The following FREM1 variants were observed in gnomAD, a reference collection of about 807,000 sequenced individuals.
FREM1 encodes the protein FRAS1 related extracellular matrix 1, also known as FRAS1-related extracellular matrix protein 1.
In FREM1, 220 loss-of-function variants were observed where a neutral mutation model predicts 210.1. The observed-to-expected ratio is 1.05, with a 90% CI of 0.94 to 1.17. FREM1 has a LOEUF of 1.17. Ranked by LOEUF, FREM1 falls within the 50% of genes most tolerant of loss-of-function variation. The probability of loss-of-function intolerance (pLI) is 0.00; values close to 1 mark genes in which losing one functional copy is unlikely to be tolerated. For synonymous variants in FREM1, 1,189 were observed against 980.2 expected, an observed-to-expected ratio of 1.21 and a Z score of -3.98; for missense variants, 3,454 against 2,675.5, an observed-to-expected ratio of 1.29 and a Z score of -6.42.
intron 34 of FREM1, 30 bp from the exon 35 acceptor site, chr9:14,746,498 T>A: frequency 1.3e-6 from 2 of 1,541,548 alleles, no homozygotes; most frequent in South Asian, 2.2e-5. Flanking sequence ...GTTCATATCA[T>A]AATGGTCTTT....
In FREM1 at chr9:14,868,696, C is replaced by T. The variant is rs370581902; in HGVS notation, c.234+48G>A. On this transcript the variant is annotated intron_variant, in intron 2 of 36. Transcript: ENST00000380880. ...CTGTCCCCCCACACATTTTCATACA[C>T]TTGCATTCATACACACGACTGAACA... The T allele has an allele frequency of 1.8e-5, 21 of 1,189,088 alleles. No individual in the cohort carries two copies. In the South Asian group the frequency reaches 2.6e-4, roughly 15 times the overall value. The allele number at this position is 1,189,088 out of a possible 1,614,324, so 73.7% of individuals were successfully genotyped here. A position where few individuals can be genotyped will look rare whatever the true frequency, so the allele number is the denominator to read the frequency against.
intron 15 of FREM1, among the ~76,000 whole-genome samples, chr9:14,814,059 A>G (rs1472920127): frequency 2.0e-5 from 3 of 151,948 alleles, no homozygotes; most frequent in Non-Finnish European, 4.4e-5. Flanking sequence ...TCTCTGCATC[A>G]TCTCTCTCCC....
At chr9:14,772,704 G>A (rs749919810) in intron 25 of FREM1, among the ~76,000 whole-genome samples, 1 of 152,058 alleles carries the variant, frequency 6.6e-6, no homozygotes, top group Non-Finnish European at 1.5e-5. Flanking sequence ...AATGAGATTG[G>A]GTATTAAATT....
chr9:14,803,009 C>T (rs1370570453), intron 19 of FREM1, among the ~76,000 whole-genome samples: 1 of 136,348 alleles, frequency 7.3e-6, no homozygotes, highest in Non-Finnish European at 1.6e-5. Flanking sequence ...CTCCCTTCCT[C>T]CCTCCCTTTC....
intron 1 of FREM1, among the ~76,000 whole-genome samples, chr9:14,888,445 G>A (rs1000039446): frequency 2.0e-5 from 3 of 152,236 alleles, no homozygotes; most frequent in African/African-American, 7.2e-5. Context: ...CTTCCTTTAT[G>A]GTTCCAGACA....
In FREM1 at chr9:14,824,891, T is replaced by C. The variant is rs202173619; in HGVS notation, c.1983A>G (p.Ile661Met). The C allele has an allele frequency of 6.2e-7, 1 of 1,613,230 alleles. No individual in the cohort carries two copies. The highest frequency in any genetic ancestry group is 2.2e-5 in the East Asian group (1 of 44,852). ...LVVKETEVAY[I>M]TKKQLHFIDS... is the part of the protein sequence containing the mutation. ...CTATAAAATGTAGCTGTTTCTTAGT[T>C]ATATAGGCCACCTCAGTTTCCTTGA... is the stretch of plus-strand genomic sequence containing the variant. Residue 661 changes from isoleucine (I) to methionine (M), a missense_variant, in exon 11 of 37, where the codon ATA becomes ATG. Ile to Met is a conservative substitution (Grantham distance 10). Coordinates refer to ENST00000380880, the MANE Select transcript of FREM1 (RefSeq NM_001379081.2).
intron 35 of FREM1, among the ~76,000 whole-genome samples, chr9:14,742,517 GA>G (rs1309995125): frequency 6.6e-6 from 1 of 152,146 alleles, no homozygotes; most frequent in African/African-American, 2.4e-5. Context: ...GAAGACTAGA[GA>G]TAAAGATTAA....
At chr9:14,743,929 G>C (rs981794185) in intron 35 of FREM1, among the ~76,000 whole-genome samples, 2 of 152,002 alleles carry the variant, frequency 1.3e-5, no homozygotes, top group African/African-American at 4.8e-5. Flanking sequence ...AGTGCATTAC[G>C]ACAAACTAAA....
At chr9:14,905,155 G>A (rs1817471465) in intron 1 of FREM1, among the ~76,000 whole-genome samples, 1 of 152,042 alleles carries the variant, frequency 6.6e-6, no homozygotes, top group Admixed American at 6.6e-5. Context: ...AACCATGACT[G>A]TTCTGTTCAC....
chr9:14,848,821 G>C, intron 6 of FREM1, 48 bp from the exon 7 acceptor site: 1 of 1,152,922 alleles, frequency 8.7e-7, no homozygotes, highest in African/African-American at 1.5e-5. Flanking sequence ...GCGTTACAGG[G>C]TAAAGTAGCA....
Position 14,805,145 on chromosome 9 carries a change from A to T in FREM1, c.3282T>A (p.Phe1094Leu). The change falls in exon 19 of 37, where the codon TTT (phenylalanine) becomes TTA (leucine). Residue 1094 changes from phenylalanine (F) to leucine (L), a missense_variant. Transcript: ENST00000380880. ...KSNIGISIDSFQWKDMNAFHI... is the reference protein window; with the variant it reads ...KSNIGISIDSLQWKDMNAFHI... ...GAAAAGCGTTCATGTCTTTCCACTG[A>T]AATGAATCTAGAGCACACCAAGATG... is the stretch of plus-strand genomic sequence containing the variant. The T allele has an allele frequency of 6.4e-7, 1 of 1,563,778 alleles. No homozygotes were observed. The highest frequency in any genetic ancestry group is 8.7e-7 in the Non-Finnish European group (1 of 1,153,836).
intron 28 of FREM1, 103 bp downstream of exon 28, chr9:14,759,669 A>T: frequency 8.7e-7 from 1 of 1,145,184 alleles, no homozygotes; most frequent in Non-Finnish European, 1.2e-6. Context: ...CTGCAATTTG[A>T]AATTTCCTTG....
At position 14,816,801 on chromosome 9, in the gene FREM1, C is replaced by G; in HGVS notation, c.2617G>C (p.Ala873Pro). 1 of 1,431,430 alleles carries G rather than the reference C, an allele frequency of 7.0e-7. No homozygotes were observed. The allele number at this position is 1,431,430 out of a possible 1,614,324, so 88.7% of individuals were successfully genotyped here. A position where few individuals can be genotyped will look rare whatever the true frequency, so the allele number is the denominator to read the frequency against. The change falls in exon 15 of 37, where the codon GCA becomes CCA. Residue 873 changes from alanine (A) to proline (P), a missense_variant. Transcript: ENST00000380880. ...ACCTCAACATGTAGTACAAATTCTGCTGAATTTGTGCCATCGGTGACCTCC... is the reference window on the plus strand; with the variant it reads ...ACCTCAACATGTAGTACAAATTCTGGTGAATTTGTGCCATCGGTGACCTCC... ...LLEVTDGTNS[A>P]EFVLHVEVFP...
chr9:14,829,615 G>A (rs770347047), intron 10 of FREM1, among the ~76,000 whole-genome samples: 4 of 152,126 alleles, frequency 2.6e-5, no homozygotes, highest in Non-Finnish European at 4.4e-5. Context: ...GTTTTCCTCT[G>A]TATTATGATG....
chr9:14,804,854 C>A, intron 19 of FREM1, 102 bp downstream of exon 19: 2 of 783,028 alleles, frequency 2.6e-6, no homozygotes, highest in Admixed American at 2.1e-5. Context: ...CACTCCTCAC[C>A]AATGCAATGT....
intron 16 of FREM1, 58 bp from the exon 17 acceptor site, chr9:14,808,192 G>A: frequency 8.9e-7 from 1 of 1,119,018 alleles, no homozygotes. Flanking sequence ...ATACCAAGAT[G>A]AAATCTACTC....
intron 27 of FREM1, among the ~76,000 whole-genome samples, chr9:14,766,565 T>C (rs13284988): frequency 0.3 from 45,074 of 152,062 alleles, 6,798 homozygotes; most frequent in Middle Eastern, 0.44. Context: ...CATTTCCTAA[T>C]GCTTTTTAGA....
At chr9:14,776,623 C>G (rs1295376937) in intron 24 of FREM1, among the ~76,000 whole-genome samples, 1 of 152,102 alleles carries the variant, frequency 6.6e-6, no homozygotes, top group Non-Finnish European at 1.5e-5. Flanking sequence ...GTGTAATAGA[C>G]TAAAGTTGTA....
intron 1 of FREM1, among the ~76,000 whole-genome samples, chr9:14,894,738 C>T (rs1338301281): frequency 1.3e-5 from 2 of 152,116 alleles, no homozygotes. Context: ...GAATTTGGAG[C>T]ATGTTTGTTT....
Sources: allele counts gnomAD v4.1 joint callset (sites outside exome capture counted in the v4.1 genomes callset), GRCh38; gene constraint gnomAD v4.1.1; transcripts MANE v1.5; gene names NCBI Gene and HGNC (gene_info 2026-07-23, HGNC 2026-07-21).